Variants in ZNF292 observed in about 807,000 individuals in gnomAD.
ZNF292 encodes the protein 16 zinc-finger domain protein.
A neutral mutation model predicts 217.9 loss-of-function variants in ZNF292; 26 were observed. The observed-to-expected ratio is 0.12, with a 90% CI of 0.09 to 0.17. The LOEUF is 0.17. Ranked by LOEUF, ZNF292 falls within the 10% of genes least tolerant of loss-of-function variation. ZNF292 has a pLI of 1.00. For missense variants in ZNF292, 2,904 were observed against 3,175.2 expected (o/e 0.91, Z 2.05); for synonymous variants, 1,257 against 1,124.1 (o/e 1.12, Z -2.37).
At chr6:87,236,906 T>TA (rs1773933374) in intron 5 of ZNF292, among the ~76,000 whole-genome samples, 1 of 152,218 alleles carries the variant, frequency 6.6e-6, no homozygotes, top group South Asian at 2.1e-4. Context: ...GGTAGACACT[T>TA]ACTTATATTG....
intron 5 of ZNF292, among the ~76,000 whole-genome samples, chr6:87,236,348 C>T (rs1008216638): frequency 1.3e-5 from 2 of 150,050 alleles, no homozygotes; most frequent in African/African-American, 2.5e-5. Flanking sequence ...AGGACCCTTT[C>T]GGTGTGATAG....
chr6:87,264,278 TTCC>T lies in ZNF292; in HGVS notation c.*2480_*2482del, dbSNP rs1305376388. On this transcript the variant is annotated 3_prime_UTR_variant, in exon 8 of 8. Coordinates refer to ENST00000369577, the MANE Select transcript of ZNF292 (RefSeq NM_015021.3). Reference sequence around the variant, plus strand: ...TTTCATCACTAAAAAGTAGGAGTTTTTCCTCTTCTGAACCCGCAAAGTTTGCAT... The same window carrying T: ...TTTCATCACTAAAAAGTAGGAGTTTTTCTTCTGAACCCGCAAAGTTTGCAT... The T allele has an allele frequency of 6.6e-6, 1 of 152,226 alleles. No homozygotes were observed. The highest frequency in any genetic ancestry group is 1.5e-5 in the Non-Finnish European group (1 of 68,040). The allele number at this position is 152,226 out of a possible 1,614,324, so 9.4% of individuals were successfully genotyped here. A position where few individuals can be genotyped will look rare whatever the true frequency, so the allele number is the denominator to read the frequency against.
chr6:87,182,816 TA>T (rs1374540484), intron 1 of ZNF292, among the ~76,000 whole-genome samples: 1 of 152,198 alleles, frequency 6.6e-6, no homozygotes, highest in Non-Finnish European at 1.5e-5. Context: ...TAAATTATAT[TA>T]TTTTTAATAA....
chr6:87,187,389 T>G (rs1182689377), intron 1 of ZNF292, among the ~76,000 whole-genome samples: 1 of 146,110 alleles, frequency 6.8e-6, no homozygotes, highest in Non-Finnish European at 1.5e-5. Context: ...GATCTTAAAC[T>G]GGAGAGTGGT....
At chr6:87,200,557 T>C (rs1772074357) in intron 1 of ZNF292, among the ~76,000 whole-genome samples, 1 of 152,236 alleles carries the variant, frequency 6.6e-6, no homozygotes, top group South Asian at 2.1e-4. Flanking sequence ...TGAAACCCTT[T>C]GTGCCAAGGC....
At chr6:87,179,049 G>A (rs1582386390) in intron 1 of ZNF292, among the ~76,000 whole-genome samples, 1 of 151,834 alleles carries the variant, frequency 6.6e-6, no homozygotes, top group African/African-American at 2.4e-5. Context: ...ATGAACTATA[G>A]TGATAGCAAT....
At chr6:87,168,557 C>T (rs1352975376) in intron 1 of ZNF292, among the ~76,000 whole-genome samples, 1 of 152,170 alleles carries the variant, frequency 6.6e-6, no homozygotes, top group Non-Finnish European at 1.5e-5. Context: ...GTAACCTCTG[C>T]CTCCTGGGTT....
At chr6:87,172,663 T>C (rs1273170737) in intron 1 of ZNF292, among the ~76,000 whole-genome samples, 1 of 152,102 alleles carries the variant, frequency 6.6e-6, no homozygotes, top group Non-Finnish European at 1.5e-5. Context: ...CCCAGCACTT[T>C]GGGAGGCCAA....
In ZNF292 at chr6:87,198,360, A is replaced by C. The variant is rs537424483; in HGVS notation, c.169-17543A>C. 1.4e-3 allele frequency among the ~76,000 whole-genome samples: 218 copies of C among 152,052 alleles called. 1 individual carries two copies. The highest frequency in any genetic ancestry group is 0.013 in the South Asian group (62 of 4,808). ...GCTGGGACTACAGGCGTCCGCCACCACACCTGGCTAATTTTTTGTATTTTT... is the reference window on the plus strand; with the variant it reads ...GCTGGGACTACAGGCGTCCGCCACCCCACCTGGCTAATTTTTTGTATTTTT... On this transcript the variant is annotated intron_variant, in intron 1 of 7. Coordinates refer to ENST00000369577, the MANE Select transcript of ZNF292 (RefSeq NM_015021.3).
At chr6:87,222,913 C>A in intron 4 of ZNF292, 1 of 437,204 alleles carries the variant, frequency 2.3e-6, no homozygotes, top group South Asian at 1.6e-5. Context: ...TAGAGTGTCC[C>A]TCAATTGAGA....
intron 1 of ZNF292, among the ~76,000 whole-genome samples, chr6:87,172,623 G>A (rs1771137809): frequency 1.3e-5 from 2 of 152,176 alleles, no homozygotes; most frequent in Admixed American, 6.5e-5. Flanking sequence ...GAATAACATA[G>A]GACCAGGCAT....
rs995557156 is a variant in ZNF292 at position 87,216,494 on chromosome 6, C to T, written c.402+117C>T. 11 of 710,838 alleles carry T rather than the reference C, an allele frequency of 1.5e-5. No homozygotes were observed. In the African/African-American group the frequency reaches 1.8e-4, roughly 12 times the overall value. The allele number at this position is 710,838 out of a possible 1,614,324, so 44.0% of individuals were successfully genotyped here. On this transcript the variant is annotated intron_variant, in intron 3 of 7. Coordinates refer to ENST00000369577, the MANE Select transcript of ZNF292 (RefSeq NM_015021.3). ...TCTCAATAATGACAGACATTAATTACTGATCTTATTGACACTAGTATCTTA... is the reference window on the plus strand; with the variant it reads ...TCTCAATAATGACAGACATTAATTATTGATCTTATTGACACTAGTATCTTA...
chr6:87,256,131 T>A lies in ZNF292; in HGVS notation c.2502T>A (p.Pro834=). 6.2e-7 allele frequency: 1 copy of A among 1,613,720 alleles called. No homozygotes were observed. Among genetic ancestry groups the A allele is most frequent in the Non-Finnish European group, 8.5e-7 (1 of 1,179,790 alleles). The change falls in exon 8 of 8, where the codon CCT becomes CCA. Residue 834 remains proline (P), a synonymous_variant. Transcript: ENST00000369577. The stretch of plus-strand genomic sequence containing the variant: ...AGCATCTGGATGATCACAGTACTCC[T>A]CCTGAAAAAGTGCTGCCTCCTGAAG... The part of the protein sequence containing the change: ...LEKHLDDHST[P]PEKVLPPEAQ...
chr6:87,157,683 TTTTA>T (rs1188867898), intron 1 of ZNF292, among the ~76,000 whole-genome samples: 13 of 152,170 alleles, frequency 8.5e-5, no homozygotes, highest in Non-Finnish European at 1.6e-4. Flanking sequence ...ACTTAAAGAT[TTTTA>T]TTTATTTATT....
In ZNF292 at chr6:87,259,631, G is replaced by T; in HGVS notation, c.6002G>T (p.Arg2001Leu). The change falls in exon 8 of 8, where the codon CGA becomes CTA. Residue 2001 changes from arginine to leucine, a missense_variant. This residue lies in a region of ZNF292 where 261 missense variants were observed against 272.8 expected (regional missense o/e 0.96). Coordinates refer to ENST00000369577, the MANE Select transcript of ZNF292 (RefSeq NM_015021.3). ...KSQSENVPAS[R>L]STQVKKQLAM... ...CAGAGTGAAAATGTGCCGGCCTCAC[G>T]AAGTACACAAGTGAAAAAACAGCTA... The T allele has an allele frequency of 6.3e-7, 1 of 1,583,710 alleles. No individual in the cohort carries two copies. The highest frequency in any genetic ancestry group is 8.6e-7 in the Non-Finnish European group (1 of 1,164,242).
intron 1 of ZNF292, among the ~76,000 whole-genome samples, chr6:87,167,867 C>T (rs533534308): frequency 1.2e-4 from 19 of 152,254 alleles, no homozygotes; most frequent in African/African-American, 4.6e-4. Flanking sequence ...AAAATTAAAG[C>T]AAATATGATT....
Position 87,191,735 on chromosome 6 carries a change from C to G in ZNF292, c.169-24168C>G, listed in dbSNP as rs540262212. Reference sequence around the variant, plus strand: ...AGGCTGGAGTGCAGTGGTGCAAGCTCGACTCACTGCAACATCCGCTTCCCG... The same window carrying G: ...AGGCTGGAGTGCAGTGGTGCAAGCTGGACTCACTGCAACATCCGCTTCCCG... On this transcript the variant is annotated intron_variant, in intron 1 of 7. Coordinates refer to ENST00000369577, the MANE Select transcript of ZNF292 (RefSeq NM_015021.3). 3.9e-5 allele frequency among the ~76,000 whole-genome samples: 6 copies of G among 152,170 alleles called. No homozygotes were observed. The East Asian group carries it at 1.2e-3, about 29-fold the overall frequency.
At chr6:87,228,644 T>C (rs562864611) in intron 4 of ZNF292, among the ~76,000 whole-genome samples, 2 of 152,300 alleles carry the variant, frequency 1.3e-5, no homozygotes, top group East Asian at 1.9e-4. Flanking sequence ...TTCTTTTGCA[T>C]TTAGGTATCT....
At chr6:87,240,636 G>A (rs1302053879) in intron 5 of ZNF292, among the ~76,000 whole-genome samples, 1 of 152,090 alleles carries the variant, frequency 6.6e-6, no homozygotes, top group Non-Finnish European at 1.5e-5. Context: ...GGTCAGGCTG[G>A]TCTCGAACTC....
Sources: gnomAD v4.1 joint callset for allele counts (sites outside exome capture counted in the v4.1 genomes callset) on GRCh38, gnomAD v4.1.1 for gene constraint, gnomAD v4.1.1 regional missense constraint, MANE v1.5 for transcripts, NCBI Gene and HGNC (gene_info 2026-07-23, HGNC 2026-07-21) for gene names.